The following DYNC1I1 variants were observed in gnomAD, a reference collection of about 807,000 sequenced individuals.
DYNC1I1 encodes dynein cytoplasmic 1 intermediate chain 1.
In DYNC1I1, 43 loss-of-function variants were observed where a neutral mutation model predicts 86.6. That is an observed-to-expected ratio of 0.50 (90% CI 0.39 to 0.64). The LOEUF (loss-of-function observed/expected upper bound fraction) is 0.64, where lower values mean the gene tolerates loss of function less well. Ranked by LOEUF, DYNC1I1 falls within the 30% of genes least tolerant of loss-of-function variation. DYNC1I1 has a pLI of 0.00. For synonymous variants in DYNC1I1, 262 were observed against 283.7 expected (o/e 0.92, Z 0.77); for missense variants, 604 against 788.8 (o/e 0.77, Z 2.81).
intron 6 of DYNC1I1, among the ~76,000 whole-genome samples, chr7:95,872,905 C>T (rs1373039177): frequency 6.6e-6 from 1 of 152,150 alleles, no homozygotes; most frequent in Non-Finnish European, 1.5e-5. Flanking sequence ...GCTTAGGGAG[C>T]CAGTCTTTTG....
intron 6 of DYNC1I1, 55 bp downstream of exon 6, chr7:95,870,053 A>G: frequency 6.9e-7 from 1 of 1,457,738 alleles, no homozygotes; most frequent in Admixed American, 2.0e-5. Context: ...ATCGCTGGGA[A>G]GTAACATCTT....
At chr7:95,919,595 G>A (rs1036794263) in intron 6 of DYNC1I1, among the ~76,000 whole-genome samples, 8 of 152,146 alleles carry the variant, frequency 5.3e-5, no homozygotes, top group Non-Finnish European at 1.0e-4. Flanking sequence ...GTTGGACTCT[G>A]GGCAAACATT....
intron 5 of DYNC1I1, among the ~76,000 whole-genome samples, chr7:95,856,403 T>C (rs538504863): frequency 2.0e-5 from 3 of 152,354 alleles, no homozygotes; most frequent in African/African-American, 7.2e-5. Context: ...TTCAGAAATA[T>C]GTCGATGGCC....
chr7:95,880,862 T>A (rs1452615689), intron 6 of DYNC1I1, among the ~76,000 whole-genome samples: 1 of 151,992 alleles, frequency 6.6e-6, no homozygotes, highest in Non-Finnish European at 1.5e-5. Context: ...GCCAGGCTGG[T>A]CTCAAACTCC....
intron 6 of DYNC1I1, among the ~76,000 whole-genome samples, chr7:95,917,528 C>T (rs1450826962): frequency 1.3e-5 from 2 of 152,102 alleles, no homozygotes; most frequent in Non-Finnish European, 2.9e-5. Context: ...ATTCTGGAAC[C>T]CCCACCACTT....
chr7:96,071,942 G>T lies in DYNC1I1; in HGVS notation c.1510-4115G>T, dbSNP rs185048388. ...TTTATAGAAGGACCATATAGTCCCA[G>T]CAAATAGAGGATATGCTTAACAGCT... On this transcript the variant is annotated intron_variant, in intron 14 of 16. Transcript: ENST00000447467. 2.1e-3 allele frequency among the ~76,000 whole-genome samples: 322 copies of T among 152,262 alleles called. 1 individual carries two copies. The highest frequency in any genetic ancestry group is 7.2e-3 in the African/African-American group (300 of 41,554).
intron 6 of DYNC1I1, among the ~76,000 whole-genome samples, chr7:95,971,488 A>T (rs1373759810): frequency 2.0e-5 from 3 of 152,150 alleles, no homozygotes; most frequent in African/African-American, 7.2e-5. Flanking sequence ...GAACATATCC[A>T]AAAAAACAAA....
intron 14 of DYNC1I1, among the ~76,000 whole-genome samples, chr7:96,052,788 C>T (rs1279084970): frequency 6.6e-6 from 1 of 152,078 alleles, no homozygotes; most frequent in East Asian, 1.9e-4. Context: ...AAAAGGCAGC[C>T]TTGTGATGCC....
chr7:95,983,488 G>C (rs1219766923), intron 7 of DYNC1I1, among the ~76,000 whole-genome samples: 1 of 152,028 alleles, frequency 6.6e-6, no homozygotes, highest in Non-Finnish European at 1.5e-5. Context: ...TGTTTCTCCA[G>C]ACCCCCTGCC....
At chr7:95,943,697 C>T (rs538435223) in intron 6 of DYNC1I1, among the ~76,000 whole-genome samples, 5 of 150,874 alleles carry the variant, frequency 3.3e-5, no homozygotes, top group South Asian at 4.3e-4. Context: ...TGGAACAGAA[C>T]GGAGCCCTCA....
chr7:95,857,414 T>C (rs561171330), intron 5 of DYNC1I1, among the ~76,000 whole-genome samples: 2 of 152,320 alleles, frequency 1.3e-5, no homozygotes, highest in South Asian at 2.1e-4. Context: ...TTGACAGATA[T>C]GTTATTCTCT....
chr7:96,004,123 A>G, intron 10 of DYNC1I1, among the ~76,000 whole-genome samples: 1 of 152,224 alleles, frequency 6.6e-6, no homozygotes, highest in Admixed American at 6.5e-5. Flanking sequence ...CTTCAAATAT[A>G]ATTATCTTTA....
intron 1 of DYNC1I1, among the ~76,000 whole-genome samples, chr7:95,773,443 G>A (rs1314191337): frequency 6.6e-6 from 1 of 152,124 alleles, no homozygotes; most frequent in Non-Finnish European, 1.5e-5. Flanking sequence ...ATAAATCCGT[G>A]CGTCGTCATC....
Position 96,096,908 on chromosome 7 carries a change from G to T in DYNC1I1, c.1777-575G>T, listed in dbSNP as rs145733742. On this transcript the variant is annotated intron_variant, in intron 16 of 16. Transcript: ENST00000447467. Reference sequence around the variant, plus strand: ...TAATGCATGTAATGTACTTAGAACAGAACTCTTGGTAAATAATAGCTACTA... The same window carrying T: ...TAATGCATGTAATGTACTTAGAACATAACTCTTGGTAAATAATAGCTACTA... Among the ~76,000 whole-genome samples the T allele has an allele frequency of 1.8e-3, 273 of 152,202 alleles. 2 individuals are homozygous for T. Among genetic ancestry groups the T allele is most frequent in the African/African-American group, 6.2e-3 (257 of 41,530 alleles).
intron 6 of DYNC1I1, among the ~76,000 whole-genome samples, chr7:95,946,292 C>T (rs568355251): frequency 6.6e-5 from 10 of 151,698 alleles, no homozygotes; most frequent in African/African-American, 1.9e-4. Context: ...CCACATGTAT[C>T]CTGGAATTTA....
intron 13 of DYNC1I1, among the ~76,000 whole-genome samples, chr7:96,037,229 A>G (rs1286021514): frequency 6.6e-6 from 1 of 152,220 alleles, no homozygotes. Flanking sequence ...ATTCCCAATG[A>G]TCCTCCTTCA....
intron 11 of DYNC1I1, among the ~76,000 whole-genome samples, chr7:96,030,330 TTGTGTGTGTGTGTGTGTGTG>T (rs200496803): frequency 4.8e-4 from 65 of 135,492 alleles, no homozygotes; most frequent in African/African-American, 1.6e-3. Context: ...AATGGTAGAG[TTGTGTGTGTGTGTGTGTGTG>T]TGTGTGTGTG....
At chr7:96,063,498 C>G (rs141925640) in intron 14 of DYNC1I1, among the ~76,000 whole-genome samples, 2 of 152,276 alleles carry the variant, frequency 1.3e-5, no homozygotes, top group Non-Finnish European at 2.9e-5. Context: ...AGTTCAAGAT[C>G]AAGGTGTCAT....
At chr7:95,998,078 C>T (rs1012010184) in intron 10 of DYNC1I1, among the ~76,000 whole-genome samples, 2 of 152,168 alleles carry the variant, frequency 1.3e-5, no homozygotes, top group South Asian at 4.1e-4. Context: ...GCAATATCTA[C>T]GTGTTTCTGT....
Sources: gnomAD v4.1 joint callset for allele counts (sites outside exome capture counted in the v4.1 genomes callset) on GRCh38, gnomAD v4.1.1 for gene constraint, MANE v1.5 for transcripts, NCBI Gene and HGNC (gene_info 2026-07-23, HGNC 2026-07-21) for gene names.